The following PTP4A1 variants were observed in gnomAD, a reference collection of about 807,000 sequenced individuals.
PTP4A1 encodes the protein protein tyrosine phosphatase type IVA 1.
A neutral mutation model predicts 20.5 loss-of-function variants in PTP4A1; 9 were observed. That is an observed-to-expected ratio of 0.44 (90% confidence interval 0.26 to 0.77). PTP4A1 has a LOEUF of 0.77. Ranked by LOEUF, PTP4A1 falls within the 30% of genes least tolerant of loss-of-function variation. The pLI, the probability that PTP4A1 is intolerant of heterozygous loss-of-function variation, is 0.19. For missense variants in PTP4A1, 137 were observed against 218.8 expected (o/e 0.63, Z 2.36); for synonymous variants, 78 against 67.4 (o/e 1.16, Z -0.77).
upstream of PTP4A1, among the ~76,000 whole-genome samples, chr6:63,519,126 G>T (rs1774831724): frequency 6.6e-6 from 1 of 152,164 alleles, no homozygotes; most frequent in Non-Finnish European, 1.5e-5. Flanking sequence ...TGGCCAACAT[G>T]GTGAAACCCC....
intron 2 of PTP4A1, among the ~76,000 whole-genome samples, chr6:63,549,748 T>TA (rs1334675424): frequency 1.8e-4 from 26 of 146,484 alleles, no homozygotes; most frequent in African/African-American, 3.2e-4. Context: ...ATGTGGAAGC[T>TA]AAAAAAAAAA....
At chr6:63,577,705 C>T (rs114066906) in intron 2 of PTP4A1, among the ~76,000 whole-genome samples, 3,159 of 152,082 alleles carry the variant, frequency 0.021, 114 homozygotes, top group African/African-American at 0.071. Context: ...TACAGGCGTA[C>T]GCCACCTTGC....
chr6:63,579,317 A>G lies in PTP4A1; in HGVS notation c.390A>G (p.Val130=), dbSNP rs1463482871. 6.2e-7 allele frequency: 1 copy of G among 1,604,722 alleles called. No individual in the cohort carries two copies. Among genetic ancestry groups the G allele is most frequent in the Admixed American group, 1.7e-5 (1 of 58,882 alleles). The change falls in exon 5 of 6, where the codon GTA becomes GTG. Residue 130 remains valine, a synonymous_variant. Coordinates refer to ENST00000626021, the MANE Select transcript of PTP4A1 (RefSeq NM_003463.5). ...IEGGMKYEDA[V]QFIRQKRRGA... ...GTGGAATGAAATACGAAGATGCAGT[A>G]CAATTCATAAGACAGTAAGTAATGG...
At chr6:63,519,346 A>G (rs2149469932), upstream of PTP4A1, among the ~76,000 whole-genome samples, 1 of 152,210 alleles carries the variant, frequency 6.6e-6, no homozygotes, top group African/African-American at 2.4e-5. Context: ...TCAGTTCAGT[A>G]CAGTTTCAGT....
chr6:63,521,504 G>A (rs1774923536), upstream of PTP4A1, among the ~76,000 whole-genome samples: 1 of 152,130 alleles, frequency 6.6e-6, no homozygotes, highest in Admixed American at 6.5e-5. Context: ...AACAACACAT[G>A]TAAAGAGGGT....
intron 1 of PTP4A1, among the ~76,000 whole-genome samples, chr6:63,575,762 A>G (rs1777814445): frequency 6.6e-6 from 1 of 152,044 alleles, no homozygotes; most frequent in East Asian, 1.9e-4. Context: ...ATTTCACATA[A>G]CAAGTTGATT....
At chr6:63,546,171 C>G (rs959483359) in intron 2 of PTP4A1, among the ~76,000 whole-genome samples, 2 of 152,034 alleles carry the variant, frequency 1.3e-5, no homozygotes, top group African/African-American at 2.4e-5. Context: ...CATGTATATA[C>G]AGTATATACA....
chr6:63,571,329 AAAT>A (rs1777417439), upstream of PTP4A1: 1 of 152,228 alleles, frequency 6.6e-6, no homozygotes, highest in South Asian at 2.1e-4. Context: ...TACTCGGTGA[AAAT>A]AACAAACAAA....
chr6:63,558,922 C>G (rs753401597), intron 3 of PTP4A1, among the ~76,000 whole-genome samples: 6 of 152,162 alleles, frequency 3.9e-5, no homozygotes, highest in Non-Finnish European at 7.3e-5. Flanking sequence ...GATAATGCTC[C>G]TAAAGTGTCT....
Position 63,577,063 on chromosome 6 carries a change from A to G in PTP4A1, c.105+78A>G. ...ACTTATAGCTAACAAAATAAAAACT[A>G]CTTTGGAAAAAATGAGATGATATAC... On this transcript the variant is annotated intron_variant, in intron 2 of 5. Transcript: ENST00000626021. 3 of 1,162,986 alleles carry G rather than the reference A, an allele frequency of 2.6e-6. No individual in the cohort carries two copies. The South Asian group carries it at 4.2e-5, about 16-fold the overall frequency. The allele number at this position is 1,162,986 out of a possible 1,614,324, so 72.0% of individuals were successfully genotyped here.
chr6:63,535,412 G>T (rs1775674450), intron 2 of PTP4A1, among the ~76,000 whole-genome samples: 1 of 152,066 alleles, frequency 6.6e-6, no homozygotes, highest in South Asian at 2.1e-4. Context: ...AGGTTGCAGT[G>T]ACCCGAGATT....
chr6:63,538,235 G>A (rs912101097), intron 2 of PTP4A1, among the ~76,000 whole-genome samples: 3 of 152,214 alleles, frequency 2.0e-5, no homozygotes, highest in Non-Finnish European at 4.4e-5. Flanking sequence ...CCAAGTTCTG[G>A]TTGGAAGCTG....
Position 63,534,646 on chromosome 6 carries a change from A to C in PTP4A1, c.-640+6562A>C, listed in dbSNP as rs577055774. ...AACGTAGCAAGACACCATGTCTCTA[A>C]AAAATAATAATAAAATTGTCACCAG... On this transcript the variant is annotated intron_variant, in intron 2 of 3. Transcript: ENST00000639568. 2.5e-4 allele frequency among the ~76,000 whole-genome samples: 38 copies of C among 152,030 alleles called. 2 individuals carry two copies. The South Asian group carries it at 7.9e-3, about 32-fold the overall frequency.
chr6:63,529,380 C>T (rs888653824), intron 2 of PTP4A1, among the ~76,000 whole-genome samples: 15 of 150,168 alleles, frequency 1.0e-4, no homozygotes, highest in African/African-American at 3.8e-4. Context: ...TAATTTCCTA[C>T]ATCAATTCAA....
rs1356816243 is a variant in PTP4A1 at position 63,523,637 on chromosome 6, T to C, written c.-906+1811T>C. ...TCAGATCTAAGACATCTTATTTGCC[T>C]AGAGCAAGCTTATCCATGCATGTGG... On this transcript the variant is annotated intron_variant, in intron 1 of 3. Coordinates refer to the PTP4A1 transcript ENST00000639568. Among the ~76,000 whole-genome samples the C allele has an allele frequency of 1.3e-5, 2 of 152,246 alleles. 1 individual carries two copies. The highest frequency in any genetic ancestry group is 4.1e-4 in the South Asian group (2 of 4,832).
At chr6:63,533,665 G>T (rs1044659615) in intron 2 of PTP4A1, among the ~76,000 whole-genome samples, 9 of 152,074 alleles carry the variant, frequency 5.9e-5, no homozygotes, top group Non-Finnish European at 1.0e-4. Context: ...AGAATAAATG[G>T]TTATTACTTG....
chr6:63,538,315 C>T (rs747090988), intron 2 of PTP4A1, among the ~76,000 whole-genome samples: 8 of 152,158 alleles, frequency 5.3e-5, no homozygotes, highest in Non-Finnish European at 7.3e-5. Context: ...AAAAATTGTA[C>T]TGAAAGTTCA....
At chr6:63,559,551 C>T (rs923267519) in intron 3 of PTP4A1, among the ~76,000 whole-genome samples, 2 of 152,086 alleles carry the variant, frequency 1.3e-5, no homozygotes, top group Non-Finnish European at 2.9e-5. Flanking sequence ...TGGAGACCAT[C>T]CTGGCCAACA....
rs1196349913 is a variant in PTP4A1, at chr6:63,581,654, T to C, written c.*1480T>C. ...CTAAAAGCACTTTCCATTATATACTTTTTAAAGGTCTAGATAATTTTGAAC... is the reference window on the plus strand; with the variant it reads ...CTAAAAGCACTTTCCATTATATACTCTTTAAAGGTCTAGATAATTTTGAAC... On this transcript the variant is annotated 3_prime_UTR_variant, in exon 6 of 6. Coordinates refer to ENST00000626021, the MANE Select transcript of PTP4A1 (RefSeq NM_003463.5). 1.3e-5 allele frequency: 2 copies of C among 152,172 alleles called. No homozygotes were observed. The highest frequency in any genetic ancestry group is 4.8e-5 in the African/African-American group (2 of 41,452). 9.4% of individuals were successfully genotyped at this position (152,172 alleles called of 1,614,324 possible).
Sources: gnomAD v4.1 joint callset for allele counts (sites outside exome capture counted in the v4.1 genomes callset) on GRCh38, gnomAD v4.1.1 for gene constraint, MANE v1.5 for transcripts, NCBI Gene and HGNC (gene_info 2026-07-23, HGNC 2026-07-21) for gene names.